Variants in WDR33 observed in about 807,000 individuals in gnomAD.
WDR33 encodes the protein pre-mRNA 3' end processing protein WDR33.
WDR33 carries 47 observed loss-of-function variants against 164.9 expected under a neutral mutation model. The observed-to-expected ratio is 0.29, with a 90% CI of 0.23 to 0.36. The LOEUF (loss-of-function observed/expected upper bound fraction) is 0.36, where lower values mean the gene tolerates loss of function less well. WDR33 is among the 10% of genes least tolerant of loss of function. The pLI, the probability that WDR33 is intolerant of heterozygous loss-of-function variation, is 1.00. For missense variants in WDR33, 1,137 were observed against 1,754.1 expected (o/e 0.65, Z 6.28); for synonymous variants, 505 against 589.0 (o/e 0.86, Z 2.06).
intron 7 of WDR33, among the ~76,000 whole-genome samples, chr2:127,751,445 A>C (rs1195804066): frequency 6.7e-6 from 1 of 149,534 alleles, no homozygotes; most frequent in African/African-American, 2.4e-5. Context: ...AAAAAAAAAA[A>C]ACAGGTTGGG....
rs1331382851 is a variant in WDR33 at position 127,721,188 on chromosome 2, A to T, written c.1671+648T>A. Among the ~76,000 whole-genome samples, 3 of 151,608 alleles carry T rather than the reference A, an allele frequency of 2.0e-5. No homozygotes were observed. Among genetic ancestry groups the T allele is most frequent in the Non-Finnish European group, 4.4e-5 (3 of 67,898 alleles). ...AGTGGTACGATCTCGGCTCACTGAAACTTCTGCCTCTGGAGTTCAAGCCAT... is the reference window on the plus strand; with the variant it reads ...AGTGGTACGATCTCGGCTCACTGAATCTTCTGCCTCTGGAGTTCAAGCCAT... On this transcript the variant is annotated intron_variant, in intron 15 of 21. Coordinates refer to ENST00000322313, the MANE Select transcript of WDR33 (RefSeq NM_018383.5). The surrounding 1 kb of genome is among the most constrained non-coding windows in gnomAD (Gnocchi z 4.9).
rs762065102 is a variant in WDR33 at position 127,709,858 on chromosome 2, TG to T, written c.3309-3del. The T allele has an allele frequency of 1.2e-6, 2 of 1,613,310 alleles. No homozygotes were observed. The highest frequency in any genetic ancestry group is 2.2e-5 in the South Asian group (2 of 90,960). Reference sequence around the variant, plus strand: ...CTCGGCGGGGCTCCTCTTCTGAAACTGTAAAGAGAAAACAGCAGAATGTCCA... The same window carrying T: ...CTCGGCGGGGCTCCTCTTCTGAAACTTAAAGAGAAAACAGCAGAATGTCCA... On this transcript the variant is annotated splice_region_variant and splice_polypyrimidine_tract_variant and intron_variant, in intron 18 of 21. Coordinates refer to ENST00000322313, the MANE Select transcript of WDR33 (RefSeq NM_018383.5). This position sits in a 1 kb window ranked among gnomAD's most constrained non-coding sequence, Gnocchi z 5.0.
At position 127,735,247 on chromosome 2, in the gene WDR33, T is replaced by C; in HGVS notation, c.725-8470A>G. On this transcript the variant is annotated intron_variant, in intron 7 of 21. Transcript: ENST00000322313. The surrounding 1 kb of genome is among the most constrained non-coding windows in gnomAD (Gnocchi z 4.3). ...AAACTTTGTGCCCTGTGCATTTTTC[T>C]CAGGCCCTCACCCCTCCTCCACCTG... 1 of 374,342 alleles carries C rather than the reference T, an allele frequency of 2.7e-6. No homozygotes were observed. The highest frequency in any genetic ancestry group is 1.1e-4 in the South Asian group (1 of 9,182). 23.2% of individuals were successfully genotyped at this position (374,342 alleles called of 1,614,324 possible). A position where few individuals can be genotyped will look rare whatever the true frequency, so the allele number is the denominator to read the frequency against.
At chr2:127,711,780 A>ATATATTTTTTT in intron 18 of WDR33, among the ~76,000 whole-genome samples, 42 of 88,294 alleles carry the variant, frequency 4.8e-4, no homozygotes, top group African/African-American at 2.6e-3. Context: ...ATATATATAT[A>ATATATTTTTTT]TTTTTTTTTT....
Position 127,706,357 on chromosome 2 carries a change from C to T in WDR33, c.3977G>A (p.Arg1326Gln), listed in dbSNP as rs778167374. 6.9e-6 allele frequency: 11 copies of T among 1,596,168 alleles called. No individual in the cohort carries two copies. The highest frequency in any genetic ancestry group is 1.7e-4 in the Middle Eastern group (1 of 5,940). ...GSNMNSGPPR[R>Q]GASRGGGRGR ...CCTTCCACCACCCCGTGAAGCTCCTCGCCTCGGCGGGCCAGAGTTCATGTT... is the reference window on the plus strand; with the variant it reads ...CCTTCCACCACCCCGTGAAGCTCCTTGCCTCGGCGGGCCAGAGTTCATGTT... Residue 1326 changes from arginine to glutamine, a missense_variant, in exon 22 of 22, where the codon CGA (arginine) becomes CAA (glutamine). Around this residue, in one of 9 missense-constraint regions of WDR33, gnomAD observed 867 missense variants for 1,073.0 expected, o/e 0.81. Coordinates refer to ENST00000322313, the MANE Select transcript of WDR33 (RefSeq NM_018383.5). The surrounding 1 kb of genome is among the most constrained non-coding windows in gnomAD (Gnocchi z 5.1).
chr2:127,750,674 AAAAATATATATATATATATATATAT>A (rs1687306994), intron 7 of WDR33, among the ~76,000 whole-genome samples: 1 of 61,060 alleles, frequency 1.6e-5, no homozygotes, highest in Non-Finnish European at 2.8e-5. Flanking sequence ...AAAAAAAAAA[AAAAATATATATATATATATATATAT>A]ATATATATAT....
intron 1 of WDR33, among the ~76,000 whole-genome samples, chr2:127,775,398 A>T (rs1688154621): frequency 6.6e-6 from 1 of 152,170 alleles, no homozygotes; most frequent in African/African-American, 2.4e-5. Flanking sequence ...CATGTTGGTC[A>T]GGCTAGTCTC....
intron 1 of WDR33, among the ~76,000 whole-genome samples, chr2:127,787,604 G>A (rs1688637047): frequency 1.1e-5 from 1 of 92,972 alleles, no homozygotes; most frequent in Non-Finnish European, 2.2e-5. Flanking sequence ...CTTCCCAGTA[G>A]GGGCGGCCGG....
rs1172252462 is a variant in WDR33, at chr2:127,751,431, T to TA, written c.724+11630dup. Among the ~76,000 whole-genome samples, 566 of 133,294 alleles carry TA rather than the reference T, an allele frequency of 4.2e-3. 5 individuals carry two copies. The highest frequency in any genetic ancestry group is 7.5e-3 in the Middle Eastern group (2 of 266). 87.4% of individuals were successfully genotyped at this position (133,294 alleles called of 152,430 possible). On this transcript the variant is annotated intron_variant, in intron 7 of 21. Transcript: ENST00000322313. ...ATATTTAGAGTGAAGATGCTCTATT[T>TA]AAAAAAAAAAAAAAACAGGTTGGGC...
chr2:127,795,511 T>A (rs1199755211), intron 1 of WDR33, among the ~76,000 whole-genome samples: 1 of 151,900 alleles, frequency 6.6e-6, no homozygotes, highest in Admixed American at 6.6e-5. Flanking sequence ...TCCATAACAA[T>A]GGACAAATTA....
chr2:127,728,315 A>G (rs1199320484), intron 7 of WDR33, among the ~76,000 whole-genome samples: 1 of 152,228 alleles, frequency 6.6e-6, no homozygotes, highest in Non-Finnish European at 1.5e-5. Flanking sequence ...TTTATTTTAA[A>G]AAAATACACC....
intron 1 of WDR33, among the ~76,000 whole-genome samples, chr2:127,808,530 T>A (rs1169531418): frequency 1.3e-5 from 2 of 152,210 alleles, no homozygotes; most frequent in East Asian, 1.9e-4. Context: ...GATTTTCCAA[T>A]ACACTGAAGA....
In WDR33 at chr2:127,701,934, C is replaced by T; in HGVS notation, c.*4389G>A. 2 of 1,427,470 alleles carry T rather than the reference C, an allele frequency of 1.4e-6. No individual in the cohort carries two copies. The highest frequency in any genetic ancestry group is 1.8e-6 in the Non-Finnish European group (2 of 1,097,492). The allele number at this position is 1,427,470 out of a possible 1,614,324, so 88.4% of individuals were successfully genotyped here. On this transcript the variant is annotated 3_prime_UTR_variant, in exon 22 of 22. Coordinates refer to ENST00000322313, the MANE Select transcript of WDR33 (RefSeq NM_018383.5). ...GGGCGGCGCGGCGTGCGGACGCCTG[C>T]TGCGCTGCGAAGAAGCGCCGTCCCG...
At chr2:127,799,533 G>A (rs1022340812) in intron 1 of WDR33, among the ~76,000 whole-genome samples, 9 of 152,118 alleles carry the variant, frequency 5.9e-5, no homozygotes, top group Admixed American at 3.9e-4. Context: ...GGTGGCTCAC[G>A]CCTGTAATCC....
rs114212295 is a variant in WDR33 at position 127,726,222 on chromosome 2, A to G, written c.851+429T>C. ...ACATAGCTGCATCGTAAGTAAGCCC[A>G]TCAGACAAAAAATGAGAAGTGGTTC... On this transcript the variant is annotated intron_variant, in intron 8 of 21. Coordinates refer to ENST00000322313, the MANE Select transcript of WDR33 (RefSeq NM_018383.5). The surrounding 1 kb of genome is among the most constrained non-coding windows in gnomAD (Gnocchi z 4.8). Among the ~76,000 whole-genome samples, 1,070 of 152,368 alleles carry G rather than the reference A, an allele frequency of 7.0e-3. 10 individuals are homozygous for G. Among genetic ancestry groups the G allele is most frequent in the African/African-American group, 0.024 (1,018 of 41,582 alleles).
chr2:127,806,664 C>CA (rs907914668), intron 1 of WDR33, among the ~76,000 whole-genome samples: 17 of 108,826 alleles, frequency 1.6e-4, no homozygotes, highest in Admixed American at 6.5e-4. Context: ...GGAACAAAGC[C>CA]AAAAAAAAAT....
At position 127,722,095 on chromosome 2, in the gene WDR33, G is replaced by T; in HGVS notation, c.1519-107C>A. 2 of 1,292,030 alleles carry T rather than the reference G, an allele frequency of 1.5e-6. No individual in the cohort carries two copies. Among genetic ancestry groups the T allele is most frequent in the South Asian group, 1.4e-5 (1 of 71,518 alleles). The allele number at this position is 1,292,030 out of a possible 1,614,324, so 80.0% of individuals were successfully genotyped here. Reference sequence around the variant, plus strand: ...ATCTGCTCAATCTAACCTCTGAACCGATTTTATTTCTTTTTACCTTTTCTC... The same window carrying T: ...ATCTGCTCAATCTAACCTCTGAACCTATTTTATTTCTTTTTACCTTTTCTC... On this transcript the variant is annotated intron_variant, in intron 14 of 21. Transcript: ENST00000322313. This position sits in a 1 kb window ranked among gnomAD's most constrained non-coding sequence, Gnocchi z 5.1.
At position 127,763,712 on chromosome 2, in the gene WDR33, A is replaced by G; in HGVS notation, c.627-553T>C. 1 of 985,658 alleles carries G rather than the reference A, an allele frequency of 1.0e-6. No homozygotes were observed. Among genetic ancestry groups the G allele is most frequent in the Non-Finnish European group, 1.2e-6 (1 of 830,108 alleles). 61.1% of individuals were successfully genotyped at this position (985,658 alleles called of 1,614,324 possible). ...CATCTTCCTGGCAAGCTATTCCATG[A>G]ATGTTGCACCTTTGAGGAAAACTTT... On this transcript the variant is annotated intron_variant, in intron 6 of 21. Coordinates refer to ENST00000322313, the MANE Select transcript of WDR33 (RefSeq NM_018383.5). This position sits in a 1 kb window ranked among gnomAD's most constrained non-coding sequence, Gnocchi z 4.5.
intron 1 of WDR33, among the ~76,000 whole-genome samples, chr2:127,777,824 C>T (rs1688235144): frequency 1.3e-5 from 2 of 152,096 alleles, no homozygotes; most frequent in Admixed American, 6.6e-5. Flanking sequence ...GTTGCCCAGG[C>T]TGGTCCAGAA....
Sources: gnomAD v4.1 joint callset for allele counts (sites outside exome capture counted in the v4.1 genomes callset) on GRCh38, gnomAD v4.1.1 for gene constraint, gnomAD v4.1.1 regional missense constraint, Gnocchi (gnomAD v3.1) non-coding constraint, MANE v1.5 for transcripts, NCBI Gene and HGNC (gene_info 2026-07-23, HGNC 2026-07-21) for gene names.